Variants in GPHN observed in about 807,000 individuals in gnomAD.
GPHN encodes the protein gephyrin.
In GPHN, 17 loss-of-function variants were observed where a neutral mutation model predicts 95.5. That is an observed-to-expected ratio of 0.18 (90% CI 0.12 to 0.27). The LOEUF is 0.27. Among genes scored for constraint, GPHN ranks in the 10% least tolerant of loss-of-function variants. GPHN has a pLI of 1.00. For synonymous variants in GPHN, 320 were observed against 322.5 expected (o/e 0.99, Z 0.08); for missense variants, 660 against 978.1 (o/e 0.67, Z 4.34).
At chr14:67,302,135 C>T in the GPHN span, 1 of 1,582,456 alleles carries the variant, frequency 6.3e-7, no homozygotes, top group Non-Finnish European at 8.6e-7. Flanking sequence ...GTCCCACATA[C>T]TGTTTTTAAA....
chr14:67,482,951 T>C, the GPHN span, among the ~76,000 whole-genome samples: 1 of 152,300 alleles, frequency 6.6e-6, no homozygotes, highest in South Asian at 2.1e-4. Context: ...ACTCAAAAAA[T>C]TCTCAAGCCC....
At chr14:66,949,386 C>G (rs2067956579) in intron 8 of GPHN, among the ~76,000 whole-genome samples, 2 of 152,214 alleles carry the variant, frequency 1.3e-5, no homozygotes, top group African/African-American at 4.8e-5. Flanking sequence ...GTATGAGTCA[C>G]TGCACCCAGC....
At chr14:67,678,407 A>G in the GPHN span, 8 of 1,613,516 alleles carry the variant, frequency 5.0e-6, no homozygotes, top group African/African-American at 1.3e-5. Context: ...GCAGAGACCC[A>G]TGCCACATGA....
At chr14:66,832,152 A>G (rs2153500489) in intron 4 of GPHN, among the ~76,000 whole-genome samples, 1 of 152,298 alleles carries the variant, frequency 6.6e-6, no homozygotes, top group South Asian at 2.1e-4. Context: ...GTTTTAAAAA[A>G]TAAATAAATA....
At chr14:67,516,398 AG>A in the GPHN span, among the ~76,000 whole-genome samples, 2 of 55,082 alleles carry the variant, frequency 3.6e-5, no homozygotes, top group African/African-American at 8.5e-5. Flanking sequence ...CTAGCTGGAG[AG>A]GGGGGGAAAT....
At chr14:66,525,414 T>A (rs1009906518) in intron 1 of GPHN, among the ~76,000 whole-genome samples, 18 of 152,230 alleles carry the variant, frequency 1.2e-4, no homozygotes, top group African/African-American at 4.3e-4. Flanking sequence ...ATGAGTAGAT[T>A]GCAAAAACTT....
At chr14:67,587,212 A>T in the GPHN span, 6 of 1,613,816 alleles carry the variant, frequency 3.7e-6, no homozygotes, top group Non-Finnish European at 5.1e-6. Context: ...TTCCTGTGCT[A>T]CCAAGGGGCC....
chr14:66,689,420 A>G (rs2067623001), intron 2 of GPHN, among the ~76,000 whole-genome samples: 2 of 152,100 alleles, frequency 1.3e-5, no homozygotes, highest in African/African-American at 4.8e-5. Flanking sequence ...ATGATGGTGA[A>G]TTATCTTTTT....
intron 16 of GPHN, among the ~76,000 whole-genome samples, chr14:67,116,707 A>C (rs1197374007): frequency 6.6e-6 from 1 of 152,222 alleles, no homozygotes; most frequent in African/African-American, 2.4e-5. Flanking sequence ...TAAGCCAATC[A>C]AATCTGTCCA....
chr14:66,614,610 G>A lies in GPHN; in HGVS notation c.65-66497G>A, dbSNP rs141217111. Reference sequence around the variant, plus strand: ...TTTTTTTTGCCTATTGTGATGTCTAGCACCACCAGTTCAAATTTGAATAGA... The same window carrying A: ...TTTTTTTTGCCTATTGTGATGTCTAACACCACCAGTTCAAATTTGAATAGA... On this transcript the variant is annotated intron_variant, in intron 1 of 22. Transcript: ENST00000478722. 5.8e-3 allele frequency among the ~76,000 whole-genome samples: 824 copies of A among 142,724 alleles called. 10 individuals carry two copies. Among genetic ancestry groups the A allele is most frequent in the Non-Finnish European group, 9.5e-3 (635 of 66,676 alleles). 93.6% of individuals were successfully genotyped at this position (142,724 alleles called of 152,430 possible).
intron 8 of GPHN, among the ~76,000 whole-genome samples, chr14:66,942,625 C>G (rs964321844): frequency 6.6e-6 from 1 of 152,062 alleles, no homozygotes; most frequent in African/African-American, 2.4e-5. Context: ...ATAGCATATA[C>G]TTTAGACATT....
rs543747278 is a variant in GPHN at position 66,773,245 on chromosome 14, A to T, written c.144-3219A>T. Among the ~76,000 whole-genome samples, 297 of 152,332 alleles carry T rather than the reference A, an allele frequency of 1.9e-3. 2 individuals carry two copies. The highest frequency in any genetic ancestry group is 3.1e-3 in the Admixed American group (48 of 15,302). Reference sequence around the variant, plus strand: ...GCTTTTCACAGGCTGAAGGCTGATAACATGGGGATAGTTGAGTACCAGAAA... The same window carrying T: ...GCTTTTCACAGGCTGAAGGCTGATATCATGGGGATAGTTGAGTACCAGAAA... On this transcript the variant is annotated intron_variant, in intron 2 of 22. Transcript: ENST00000478722.
At chr14:66,764,096 T>A (rs1036473413) in intron 2 of GPHN, among the ~76,000 whole-genome samples, 4 of 152,150 alleles carry the variant, frequency 2.6e-5, no homozygotes, top group Admixed American at 1.3e-4. Context: ...GTAATAAGAA[T>A]AGAAATAACG....
chr14:67,091,032 CATATT>C (rs2077127042), intron 12 of GPHN, among the ~76,000 whole-genome samples: 1 of 151,030 alleles, frequency 6.6e-6, no homozygotes, highest in African/African-American at 2.4e-5. Context: ...CCATTATTAT[CATATT>C]ATAAATACAT....
chr14:67,186,682 G>A (rs1462052224), downstream of GPHN, among the ~76,000 whole-genome samples: 5 of 152,212 alleles, frequency 3.3e-5, no homozygotes, highest in East Asian at 1.9e-4. Context: ...AGTTGCTGTT[G>A]CCCAGGTGAC....
intron 16 of GPHN, 85 bp from the exon 17 acceptor site, chr14:67,122,171 A>G: frequency 7.3e-7 from 1 of 1,375,608 alleles, no homozygotes; most frequent in South Asian, 1.2e-5. Flanking sequence ...GATATGCTAA[A>G]CTCAGTTTAG....
the GPHN span, among the ~76,000 whole-genome samples, chr14:67,404,097 G>A: frequency 2.6e-5 from 4 of 152,076 alleles, no homozygotes; most frequent in East Asian, 7.8e-4. Context: ...AAGGTTTCAT[G>A]TATTGACACT....
At chr14:67,578,684 T>C in the GPHN span, 20 of 1,139,612 alleles carry the variant, frequency 1.8e-5, no homozygotes, top group Middle Eastern at 1.9e-4. This position sits in a 1 kb window ranked among gnomAD's most constrained non-coding sequence, Gnocchi z 5.0. Context: ...AACTGCCGCA[T>C]GAATAAGAGG....
chr14:67,674,408 C>G, the GPHN span: 1 of 1,605,780 alleles, frequency 6.2e-7, no homozygotes, highest in Non-Finnish European at 8.5e-7. Context: ...CGCTCGGGCA[C>G]CCCTTGTAGG....
Sources: allele counts gnomAD v4.1 joint callset (sites outside exome capture counted in the v4.1 genomes callset), GRCh38; gene constraint gnomAD v4.1.1; non-coding constraint Gnocchi (gnomAD v3.1); transcripts MANE v1.5; gene names NCBI Gene and HGNC (gene_info 2026-07-23, HGNC 2026-07-21).